RDH12: variants seen among roughly 807,000 people sequenced by gnomAD.
RDH12 encodes the protein retinol dehydrogenase 12.
A neutral mutation model predicts 34.0 loss-of-function variants in RDH12; 21 were observed. The observed-to-expected ratio is 0.62, with a 90% CI of 0.44 to 0.89. The LOEUF (loss-of-function observed/expected upper bound fraction) is 0.89, where lower values mean the gene tolerates loss of function less well. RDH12 is among the 40% of genes least tolerant of loss of function. The pLI, the probability that RDH12 is intolerant of heterozygous loss-of-function variation, is 0.00. For synonymous variants in RDH12, 198 were observed against 169.9 expected (o/e 1.17, Z -1.29); for missense variants, 394 against 398.6 (o/e 0.99, Z 0.10).
At chr14:67,731,907 A>G (rs1442174150) in intron 8 of RDH12, among the ~76,000 whole-genome samples, 3 of 151,454 alleles carry the variant, frequency 2.0e-5, no homozygotes, top group Admixed American at 6.6e-5. Flanking sequence ...TGGGTGGATC[A>G]CTTGAGGTCA....
chr14:67,734,153 G>A lies in RDH12; in HGVS notation c.*305G>A, dbSNP rs1212898498. ...GCATGGGGGTGGCAGAAGAGCCCGA[G>A]AAATTGGGTCAGTTCCCTCATCAGC... On this transcript the variant is annotated 3_prime_UTR_variant, in exon 9 of 9. Coordinates refer to ENST00000551171, the MANE Select transcript of RDH12 (RefSeq NM_152443.3). 1 of 332,992 alleles carries A rather than the reference G, an allele frequency of 3.0e-6. No individual in the cohort carries two copies. Among genetic ancestry groups the A allele is most frequent in the Non-Finnish European group, 5.9e-6 (1 of 169,568 alleles). The allele number at this position is 332,992 out of a possible 1,614,324, so 20.6% of individuals were successfully genotyped here.
At chr14:67,718,696 C>T (rs369497150) in intron 1 of RDH12, among the ~76,000 whole-genome samples, 25 of 152,184 alleles carry the variant, frequency 1.6e-4, no homozygotes, top group Non-Finnish European at 2.8e-4. Context: ...CTCTCTGTGA[C>T]TTATGCCTAT....
chr14:67,725,017 C>G (rs1566846842), intron 4 of RDH12, 82 bp from the exon 5 acceptor site: 1 of 1,466,038 alleles, frequency 6.8e-7, no homozygotes, highest in South Asian at 1.1e-5. Context: ...AATGCTCTGT[C>G]CCCCAGTCCC....
rs199992653 is a variant in RDH12, at chr14:67,733,879, C to T, written c.*31C>T. 4 of 1,492,318 alleles carry T rather than the reference C, an allele frequency of 2.7e-6. No individual in the cohort carries two copies. Among genetic ancestry groups the T allele is most frequent in the Non-Finnish European group, 3.7e-6 (4 of 1,070,924 alleles). 92.4% of individuals were successfully genotyped at this position (1,492,318 alleles called of 1,614,324 possible). ...GGAAGAGCTGCAGCTTTATCAGGCC[C>T]AATCCATGCCATAATGAACAGGGAC... On this transcript the variant is annotated 3_prime_UTR_variant, in exon 9 of 9. Coordinates refer to ENST00000551171, the MANE Select transcript of RDH12 (RefSeq NM_152443.3).
intron 1 of RDH12, among the ~76,000 whole-genome samples, chr14:67,717,166 A>G (rs1254897546): frequency 6.6e-6 from 1 of 152,198 alleles, no homozygotes; most frequent in Admixed American, 6.5e-5. Flanking sequence ...TAAAATTTGT[A>G]TACAGTGAAA....
In RDH12 at chr14:67,711,272, A is replaced by G. The variant is rs377403926; in HGVS notation, c.-275+9337A>G. Among the ~76,000 whole-genome samples the G allele has an allele frequency of 3.0e-4, 46 of 152,326 alleles. 1 individual carries two copies. Among genetic ancestry groups the G allele is most frequent in the African/African-American group, 1.1e-3 (45 of 41,580 alleles). ...TCATTCTGTTTTGGTCTGAGTTTAT[A>G]GTTTTCTAATCCCTATGCCAAATTT... On this transcript the variant is annotated intron_variant, in intron 1 of 8. Transcript: ENST00000551171.
At chr14:67,719,478 CT>C (rs1314431199) in intron 1 of RDH12, among the ~76,000 whole-genome samples, 1 of 151,982 alleles carries the variant, frequency 6.6e-6, no homozygotes, top group Non-Finnish European at 1.5e-5. Context: ...TTTATTTTTT[CT>C]TTTCTTTTTT....
At position 67,724,496 on chromosome 14, in the gene RDH12, G is replaced by A. The variant is rs746979841; in HGVS notation, c.92G>A (p.Cys31Tyr). 20 of 1,607,836 alleles carry A rather than the reference G, an allele frequency of 1.2e-5. No individual in the cohort carries two copies. Among genetic ancestry groups the A allele is most frequent in the Non-Finnish European group, 1.7e-5 (20 of 1,176,478 alleles). ...SIRKFFAGGV[C>Y]RTNVQLPGKV... ...AGGAAGTTCTTTGCTGGTGGAGTGT[G>A]TAGAACAAATGTGCAGCTTCCTGGC... The change falls in exon 4 of 9, where the codon TGT becomes TAT. Residue 31 changes from cysteine (C) to tyrosine (Y), a missense_variant. Physicochemically the swap from Cys to Tyr is radical, Grantham distance 194. Transcript: ENST00000551171.
chr14:67,723,500 G>A (rs1284519820), intron 3 of RDH12, among the ~76,000 whole-genome samples: 1 of 152,206 alleles, frequency 6.6e-6, no homozygotes, highest in Admixed American at 6.5e-5. Context: ...CTCCCAAGAT[G>A]TTGGGATTAC....
At chr14:67,726,818 A>G (rs1322273796) in intron 6 of RDH12, among the ~76,000 whole-genome samples, 163 bp from the exon 7 acceptor site, 1 of 152,202 alleles carries the variant, frequency 6.6e-6, no homozygotes, top group Non-Finnish European at 1.5e-5. Context: ...TGCTTTGAGG[A>G]ATCCACAAAC....
chr14:67,727,494 T>G, intron 7 of RDH12: 2 of 354,870 alleles, frequency 5.6e-6, no homozygotes, highest in Non-Finnish European at 1.1e-5. Flanking sequence ...TGTTTTTTTT[T>G]TTTTGAGACT....
At chr14:67,719,836 C>CT (rs908802884) in intron 1 of RDH12, among the ~76,000 whole-genome samples, 7 of 152,042 alleles carry the variant, frequency 4.6e-5, no homozygotes, top group Admixed American at 6.6e-5. Flanking sequence ...ATTATTTATT[C>CT]TTTTTTTACA....
Position 67,718,927 on chromosome 14 carries a change from C to T in RDH12, c.-274-1921C>T, listed in dbSNP as rs978523985. On this transcript the variant is annotated intron_variant, in intron 1 of 8. Coordinates refer to ENST00000551171, the MANE Select transcript of RDH12 (RefSeq NM_152443.3). ...ACATGTAAGTTGTTGCAAAATGATACGGTTTTCAACAGAAATTAAGGCCAT... is the reference window on the plus strand; with the variant it reads ...ACATGTAAGTTGTTGCAAAATGATATGGTTTTCAACAGAAATTAAGGCCAT... Among the ~76,000 whole-genome samples the T allele has an allele frequency of 1.6e-4, 25 of 152,254 alleles. No individual in the cohort carries two copies. In the East Asian group the frequency reaches 2.1e-3, roughly 13 times the overall value.
intron 1 of RDH12, among the ~76,000 whole-genome samples, chr14:67,711,677 T>A (rs1268783851): frequency 6.6e-6 from 1 of 152,208 alleles, no homozygotes; most frequent in Non-Finnish European, 1.5e-5. Flanking sequence ...ATCTTAGACT[T>A]CCAGATTCTT....
Position 67,725,274 on chromosome 14 carries a change from G to A in RDH12, c.343+20G>A, listed in dbSNP as rs1283594185. 2 of 1,612,266 alleles carry A rather than the reference G, an allele frequency of 1.2e-6. No homozygotes were observed. Among genetic ancestry groups the A allele is most frequent in the Non-Finnish European group, 8.5e-7 (1 of 1,179,818 alleles). On this transcript the variant is annotated intron_variant, in intron 5 of 8. Coordinates refer to ENST00000551171, the MANE Select transcript of RDH12 (RefSeq NM_152443.3). Reference sequence around the variant, plus strand: ...TGGCAGGTGAGGTCCTGATGGGTAGGTAGAAAAGCAGGAAATTGGGTATGG... The same window carrying A: ...TGGCAGGTGAGGTCCTGATGGGTAGATAGAAAAGCAGGAAATTGGGTATGG...
intron 2 of RDH12, among the ~76,000 whole-genome samples, chr14:67,721,651 C>A (rs2140136250): frequency 6.6e-6 from 1 of 152,052 alleles, no homozygotes; most frequent in East Asian, 1.9e-4. Flanking sequence ...GAACAGCTAA[C>A]CATAACAGCT....
intron 1 of RDH12, among the ~76,000 whole-genome samples, chr14:67,702,653 T>C (rs1400793048): frequency 6.6e-6 from 1 of 152,236 alleles, no homozygotes; most frequent in Non-Finnish European, 1.5e-5. Context: ...ACTTAAGTCA[T>C]GTGAACTTGG....
intron 8 of RDH12, among the ~76,000 whole-genome samples, chr14:67,731,215 T>C (rs1434626063): frequency 8.5e-5 from 12 of 140,470 alleles, no homozygotes; most frequent in African/African-American, 2.7e-4. Flanking sequence ...TTCTTTTTTT[T>C]TTTTTTTTTT....
At chr14:67,709,868 A>C (rs1333452621) in intron 1 of RDH12, among the ~76,000 whole-genome samples, 2 of 152,192 alleles carry the variant, frequency 1.3e-5, no homozygotes, top group Admixed American at 6.5e-5. Flanking sequence ...CCCCAAAATC[A>C]CTAAGGAAAT....
Sources: allele counts gnomAD v4.1 joint callset (sites outside exome capture counted in the v4.1 genomes callset), GRCh38; gene constraint gnomAD v4.1.1; transcripts MANE v1.5; gene names NCBI Gene and HGNC (gene_info 2026-07-23, HGNC 2026-07-21).